The following PIK3AP1 variants were observed in gnomAD, a reference collection of about 807,000 sequenced individuals.
The protein encoded by PIK3AP1 is phosphoinositide-3-kinase adaptor protein 1.
PIK3AP1 carries 21 observed loss-of-function variants against 88.1 expected under a neutral mutation model. The ratio of observed to expected loss-of-function variants is 0.24; its 90% CI spans 0.17 to 0.34. PIK3AP1 has a LOEUF of 0.34. Among genes scored for constraint, PIK3AP1 ranks in the 10% least tolerant of loss-of-function variants. The probability of loss-of-function intolerance (pLI) is 1.00; values close to 1 mark genes in which losing one functional copy is unlikely to be tolerated. For missense variants in PIK3AP1, 828 were observed against 1,035.7 expected (o/e 0.80, Z 2.75); for synonymous variants, 398 against 400.0 (o/e 1.00, Z 0.06).
chr10:96,651,023 C>T (rs539044215), intron 6 of PIK3AP1, among the ~76,000 whole-genome samples: 6 of 152,336 alleles, frequency 3.9e-5, no homozygotes, highest in South Asian at 2.1e-4. Flanking sequence ...CCTGCTCCTC[C>T]GTAAGCCACC....
intron 3 of PIK3AP1, among the ~76,000 whole-genome samples, chr10:96,653,765 G>C (rs1384019012): frequency 6.6e-6 from 1 of 152,072 alleles, no homozygotes; most frequent in Non-Finnish European, 1.5e-5. Context: ...TGGGATTACA[G>C]GCGTGAACCA....
intron 10 of PIK3AP1, among the ~76,000 whole-genome samples, chr10:96,625,031 T>C (rs961201533): frequency 2.0e-5 from 3 of 152,138 alleles, no homozygotes; most frequent in Non-Finnish European, 4.4e-5. Context: ...TGAGAGGTGA[T>C]GGAGGTGAGA....
intron 2 of PIK3AP1, among the ~76,000 whole-genome samples, chr10:96,658,552 C>T (rs980292151): frequency 6.6e-6 from 1 of 152,138 alleles, no homozygotes; most frequent in Non-Finnish European, 1.5e-5. Flanking sequence ...CCTACTCAGG[C>T]CAGCAGAGGG....
At chr10:96,689,257 G>A (rs772756756) in intron 2 of PIK3AP1, among the ~76,000 whole-genome samples, 7 of 151,780 alleles carry the variant, frequency 4.6e-5, no homozygotes, top group Admixed American at 6.6e-5. Flanking sequence ...AATCCTTACC[G>A]ATGCCTCTTA....
At chr10:96,654,413 A>C (rs772559183) in intron 3 of PIK3AP1, among the ~76,000 whole-genome samples, 5 of 152,136 alleles carry the variant, frequency 3.3e-5, no homozygotes, top group Non-Finnish European at 7.4e-5. Flanking sequence ...GACAAGGGCC[A>C]TGAGAGGGTG....
At chr10:96,660,227 T>G (rs1241169606) in intron 2 of PIK3AP1, among the ~76,000 whole-genome samples, 1 of 152,046 alleles carries the variant, frequency 6.6e-6, no homozygotes, top group East Asian at 1.9e-4. Context: ...AATAAAATAC[T>G]TGTACCCAAA....
chr10:96,638,455 G>GACAC (rs748604466), intron 8 of PIK3AP1, among the ~76,000 whole-genome samples: 5 of 104,352 alleles, frequency 4.8e-5, no homozygotes, highest in South Asian at 3.6e-4. Flanking sequence ...CACACACACA[G>GACAC]ACACACACAC....
At chr10:96,669,073 A>AGT (rs1335975295) in intron 2 of PIK3AP1, among the ~76,000 whole-genome samples, 1 of 152,214 alleles carries the variant, frequency 6.6e-6, no homozygotes, top group East Asian at 1.9e-4. Flanking sequence ...CGGAGGCTGC[A>AGT]GTGAGCTGAC....
In PIK3AP1 at chr10:96,648,731, A is replaced by G. The variant is rs1394508199; in HGVS notation, c.1113T>C (p.His371=). 1 of 1,610,820 alleles carries G rather than the reference A, an allele frequency of 6.2e-7. No individual in the cohort carries two copies. Among genetic ancestry groups the G allele is most frequent in the East Asian group, 2.2e-5 (1 of 44,630 alleles). Residue 371 remains histidine, a synonymous_variant, in exon 7 of 17, where the codon CAT becomes CAC. Coordinates refer to ENST00000339364, the MANE Select transcript of PIK3AP1 (RefSeq NM_152309.3). The part of the protein sequence containing the change: ...ALQAYSVANK[H]GHYPNTIAEK... ...CAGCGATGGTGTTGGGGTAGTGGCC[A>G]TGCTTGTTGGCCACGCTGTACGCCT... is the stretch of plus-strand genomic sequence containing the variant.
chr10:96,623,428 A>G, intron 11 of PIK3AP1, 44 bp downstream of exon 11: 2 of 1,517,730 alleles, frequency 1.3e-6, no homozygotes, highest in South Asian at 1.1e-5. Flanking sequence ...ACCTATGAAC[A>G]CTTCAACCAC....
intron 2 of PIK3AP1, among the ~76,000 whole-genome samples, chr10:96,699,015 TA>T (rs1267415423): frequency 6.6e-6 from 1 of 150,456 alleles, no homozygotes; most frequent in Non-Finnish European, 1.5e-5. Context: ...CCATCTCTAC[TA>T]AAAAAAAACC....
intron 8 of PIK3AP1, among the ~76,000 whole-genome samples, chr10:96,641,124 T>G (rs3979627): frequency 9.1e-6 from 1 of 109,712 alleles, no homozygotes; most frequent in African/African-American, 2.9e-5. Context: ...TGTGTGTGTG[T>G]GCGTGTGCAT....
At chr10:96,648,588 T>G in intron 7 of PIK3AP1, 71 bp downstream of exon 7, 1 of 1,464,546 alleles carries the variant, frequency 6.8e-7, no homozygotes, top group Non-Finnish European at 9.2e-7. Context: ...TGTTCGTATT[T>G]TGGGTGAAAG....
chr10:96,605,192 G>C (rs923567708), intron 14 of PIK3AP1, among the ~76,000 whole-genome samples: 3 of 152,120 alleles, frequency 2.0e-5, no homozygotes, highest in African/African-American at 7.2e-5. Context: ...GGTCAGAATT[G>C]TGACTGTGAG....
intron 14 of PIK3AP1, 28 bp from the exon 15 acceptor site, chr10:96,604,077 A>C (rs1251900442): frequency 1.3e-6 from 2 of 1,510,576 alleles, no homozygotes; most frequent in South Asian, 2.4e-5. Context: ...AATCAGCCGG[A>C]TTGAGGATTC....
intron 11 of PIK3AP1, among the ~76,000 whole-genome samples, chr10:96,622,990 A>G (rs1843106655): frequency 6.6e-6 from 1 of 152,188 alleles, no homozygotes; most frequent in Non-Finnish European, 1.5e-5. Flanking sequence ...GTGCTGGGCC[A>G]CCTACTTTCA....
intron 9 of PIK3AP1, 97 bp from the exon 10 acceptor site, chr10:96,627,002 A>T: frequency 8.5e-7 from 1 of 1,173,378 alleles, no homozygotes. Context: ...TTGTTTCCTC[A>T]GTGCTGCCCC....
intron 10 of PIK3AP1, among the ~76,000 whole-genome samples, chr10:96,625,947 C>T (rs1173249973): frequency 6.6e-6 from 1 of 152,126 alleles, no homozygotes; most frequent in Admixed American, 6.5e-5. Flanking sequence ...GGAGTTTTGC[C>T]ATGCTGCTCA....
At chr10:96,653,224 G>T (rs1042878575) in intron 3 of PIK3AP1, among the ~76,000 whole-genome samples, 1 of 151,626 alleles carries the variant, frequency 6.6e-6, no homozygotes. Context: ...GGCCAACATG[G>T]TGAAACCCCG....
Sources: allele counts gnomAD v4.1 joint callset (sites outside exome capture counted in the v4.1 genomes callset), GRCh38; gene constraint gnomAD v4.1.1; transcripts MANE v1.5; gene names NCBI Gene and HGNC (gene_info 2026-07-23, HGNC 2026-07-21).